Variants in PDSS2 observed in about 807,000 individuals in gnomAD.
PDSS2 encodes decaprenyl diphosphate synthase subunit 2, also known as all trans-polyprenyl-diphosphate synthase PDSS2.
In PDSS2, 31 loss-of-function variants were observed where a neutral mutation model predicts 44.5. That is an observed-to-expected ratio of 0.70 (90% CI 0.52 to 0.94). PDSS2 has a LOEUF of 0.94. PDSS2 is among the 40% of genes least tolerant of loss of function. The pLI is 0.00. For missense variants in PDSS2, 452 were observed against 482.2 expected (o/e 0.94, Z 0.59); for synonymous variants, 157 against 180.3 (o/e 0.87, Z 1.03).
chr6:107,194,780 G>A lies in PDSS2; in HGVS notation c.1009-926C>T, dbSNP rs577068261. Among the ~76,000 whole-genome samples, 41 of 152,064 alleles carry A rather than the reference G, an allele frequency of 2.7e-4. No individual in the cohort carries two copies. The South Asian group carries it at 4.8e-3, about 18-fold the overall frequency. On this transcript the variant is annotated intron_variant, in intron 6 of 7. Transcript: ENST00000369037. ...AGCCTGGCCAAAATGGTGAAACCCC[G>A]TCTCTATTAAAAATACAAAAATTAG...
chr6:107,207,985 T>G (rs1349440482), intron 6 of PDSS2, among the ~76,000 whole-genome samples: 1 of 144,320 alleles, frequency 6.9e-6, no homozygotes, highest in Non-Finnish European at 1.5e-5. Flanking sequence ...CTTGTTTTTT[T>G]TTTTTTTTTT....
intron 2 of PDSS2, 73 bp from the exon 3 acceptor site, chr6:107,274,300 C>A (rs1775699964): frequency 8.2e-7 from 1 of 1,218,070 alleles, no homozygotes; most frequent in Non-Finnish European, 1.2e-6. Flanking sequence ...TTTCAGTTTT[C>A]AACAATAAAA....
chr6:107,445,346 C>G (rs1442267094), intron 1 of PDSS2, among the ~76,000 whole-genome samples: 1 of 152,022 alleles, frequency 6.6e-6, no homozygotes, highest in East Asian at 1.9e-4. Context: ...CATACCTGGG[C>G]CATCCAGCTT....
chr6:107,227,613 C>T (rs1773879198), intron 4 of PDSS2, among the ~76,000 whole-genome samples: 1 of 152,068 alleles, frequency 6.6e-6, no homozygotes, highest in African/African-American at 2.4e-5. Context: ...GAGAGTGCTC[C>T]AAAGAGAAAT....
intron 3 of PDSS2, among the ~76,000 whole-genome samples, chr6:107,268,106 G>A (rs1237027456): frequency 6.6e-6 from 1 of 152,080 alleles, no homozygotes; most frequent in Non-Finnish European, 1.5e-5. Flanking sequence ...TCTTTTATCT[G>A]TATCTTCCAG....
chr6:107,357,206 G>C (rs2114253134), intron 1 of PDSS2, among the ~76,000 whole-genome samples: 1 of 152,196 alleles, frequency 6.6e-6, no homozygotes, highest in African/African-American at 2.4e-5. Flanking sequence ...ACATAAAATA[G>C]GGCTTCATTA....
At chr6:107,417,053 A>T (rs1170898276) in intron 1 of PDSS2, among the ~76,000 whole-genome samples, 2 of 152,002 alleles carry the variant, frequency 1.3e-5, no homozygotes, top group Non-Finnish European at 2.9e-5. Flanking sequence ...ATACAGCGAG[A>T]CCCCCGTCTC....
intron 6 of PDSS2, among the ~76,000 whole-genome samples, chr6:107,195,561 ATTT>A (rs777004545): frequency 2.4e-5 from 3 of 125,074 alleles, no homozygotes; most frequent in Non-Finnish European, 1.7e-5. Flanking sequence ...AGATGACTCC[ATTT>A]TTTTTTTTTT....
intron 2 of PDSS2, among the ~76,000 whole-genome samples, chr6:107,285,198 C>T (rs1187711244): frequency 6.6e-6 from 1 of 152,058 alleles, no homozygotes; most frequent in Non-Finnish European, 1.5e-5. Flanking sequence ...TTACTTGAAT[C>T]CTAAAATTTG....
chr6:107,154,338 C>T lies in PDSS2; in HGVS notation c.*281G>A, dbSNP rs1455444759. On this transcript the variant is annotated 3_prime_UTR_variant, in exon 8 of 8. Transcript: ENST00000369037. ...CAATCAATAAGGACTTATTTCCTGTCCATTTGCTGAGGTCACAGGAGCGAA... is the reference window on the plus strand; with the variant it reads ...CAATCAATAAGGACTTATTTCCTGTTCATTTGCTGAGGTCACAGGAGCGAA... 8.4e-5 allele frequency: 34 copies of T among 402,776 alleles called. 2 individuals carry two copies. Among genetic ancestry groups the T allele is most frequent in the South Asian group, 7.1e-4 (33 of 46,406 alleles). 25.0% of individuals were successfully genotyped at this position (402,776 alleles called of 1,614,324 possible). A position where few individuals can be genotyped will look rare whatever the true frequency, so the allele number is the denominator to read the frequency against.
At chr6:107,382,259 C>T (rs557566835) in intron 1 of PDSS2, among the ~76,000 whole-genome samples, 1 of 152,176 alleles carries the variant, frequency 6.6e-6, no homozygotes, top group South Asian at 2.1e-4. Flanking sequence ...TTTTTTCTTT[C>T]CTTTTTTTTG....
At position 107,426,334 on chromosome 6, in the gene PDSS2, C is replaced by T. The variant is rs551836447; in HGVS notation, c.296+32656G>A. Among the ~76,000 whole-genome samples the T allele has an allele frequency of 1.6e-4, 25 of 152,254 alleles. No individual in the cohort carries two copies. The South Asian group carries it at 2.9e-3, about 18-fold the overall frequency. On this transcript the variant is annotated intron_variant, in intron 1 of 7. Coordinates refer to ENST00000369037, the MANE Select transcript of PDSS2 (RefSeq NM_020381.4). ...CTTTGAGTGTATAGAAGTCAAGAAC[C>T]GGGGTTTGGGAACGTCTGCCTAGAT...
intron 1 of PDSS2, among the ~76,000 whole-genome samples, chr6:107,436,274 AG>A (rs768210058): frequency 6.6e-6 from 1 of 152,220 alleles, no homozygotes; most frequent in Non-Finnish European, 1.5e-5. Flanking sequence ...TACAGAATAC[AG>A]GATTGATGAA....
chr6:107,200,176 A>T (rs979466145), intron 6 of PDSS2, among the ~76,000 whole-genome samples: 1 of 152,204 alleles, frequency 6.6e-6, no homozygotes, highest in Non-Finnish European at 1.5e-5. Context: ...TTGTCTACTG[A>T]TTACAGCAAA....
At chr6:107,169,276 C>T (rs1771475476) in intron 7 of PDSS2, among the ~76,000 whole-genome samples, 1 of 152,164 alleles carries the variant, frequency 6.6e-6, no homozygotes, top group Non-Finnish European at 1.5e-5. Flanking sequence ...GAGTCGGCTA[C>T]TGAAGCTTGT....
chr6:107,225,153 A>ATT lies in PDSS2; in HGVS notation c.703-12872_703-12871insAA, dbSNP rs1269959075. Among the ~76,000 whole-genome samples, 32 of 55,096 alleles carry ATT rather than the reference A, an allele frequency of 5.8e-4. 3 individuals are homozygous for ATT. Among genetic ancestry groups the ATT allele is most frequent in the South Asian group, 3.7e-3 (6 of 1,618 alleles). 36.1% of individuals were successfully genotyped at this position (55,096 alleles called of 152,430 possible). ...TATATATTTTTATATATATATATAT[A>ATT]TATATATATTTTTTTTTTTTTTTTT... is the stretch of plus-strand genomic sequence containing the variant. On this transcript the variant is annotated intron_variant, in intron 4 of 7. Coordinates refer to ENST00000369037, the MANE Select transcript of PDSS2 (RefSeq NM_020381.4).
At chr6:107,166,433 C>T (rs1360282669) in intron 7 of PDSS2, among the ~76,000 whole-genome samples, 13 of 142,208 alleles carry the variant, frequency 9.1e-5, no homozygotes, top group Non-Finnish European at 6.0e-5. Flanking sequence ...GGCGTGATCT[C>T]GGCTCACTGC....
intron 6 of PDSS2, among the ~76,000 whole-genome samples, chr6:107,208,481 G>C (rs1054780445): frequency 6.6e-6 from 1 of 151,336 alleles, no homozygotes; most frequent in East Asian, 1.9e-4. Context: ...ATTTTCAGTA[G>C]AGACAGGGTT....
At chr6:107,263,605 C>T (rs1775319131) in intron 3 of PDSS2, among the ~76,000 whole-genome samples, 1 of 152,182 alleles carries the variant, frequency 6.6e-6, no homozygotes, top group Non-Finnish European at 1.5e-5. Flanking sequence ...AAAGCTACTA[C>T]ATTCCATTGT....
Sources: allele counts gnomAD v4.1 joint callset (sites outside exome capture counted in the v4.1 genomes callset), GRCh38; gene constraint gnomAD v4.1.1; transcripts MANE v1.5; gene names NCBI Gene and HGNC (gene_info 2026-07-23, HGNC 2026-07-21).